Variants in TEX10 observed in about 807,000 individuals in gnomAD.
TEX10 encodes testis expressed 10, also known as testis-expressed protein 10.
In TEX10, 24 loss-of-function variants were observed where a neutral mutation model predicts 104.4. That is an observed-to-expected ratio of 0.23 (90% confidence interval 0.17 to 0.32). The LOEUF is 0.32. Ranked by LOEUF, TEX10 falls within the 10% of genes least tolerant of loss-of-function variation. TEX10 has a pLI of 1.00. For synonymous variants in TEX10, 396 were observed against 393.4 expected, an observed-to-expected ratio of 1.01 and a Z score of -0.08; for missense variants, 921 against 1,083.9, an observed-to-expected ratio of 0.85 and a Z score of 2.11.
chr9:100,338,277 G>A (rs188890689), intron 5 of TEX10, among the ~76,000 whole-genome samples: 22 of 152,296 alleles, frequency 1.4e-4, no homozygotes, highest in African/African-American at 5.3e-4. Flanking sequence ...GCAGACTCCA[G>A]TTTGTAGTTT....
intron 5 of TEX10, among the ~76,000 whole-genome samples, chr9:100,333,509 G>C (rs938991526): frequency 6.6e-6 from 1 of 151,482 alleles, no homozygotes; most frequent in Admixed American, 6.6e-5. Flanking sequence ...CCAAACATAA[G>C]ACTAAAGCAA....
rs780657842 is a variant in TEX10, at chr9:100,340,314, C to T, written c.1193G>A (p.Arg398His). 1.1e-5 allele frequency: 18 copies of T among 1,573,406 alleles called. No homozygotes were observed. The highest frequency in any genetic ancestry group is 1.1e-4 in the South Asian group (9 of 82,822). ...TATTTCTTTTAAGACATATGGAAAA[C>T]GACTCATAAAATGGTGTTTAAAATC... ...LIDFKHHFMS[R>H]FPYVLKEITK... The change falls in exon 5 of 15, where the codon CGT becomes CAT. Residue 398 changes from arginine (R) to histidine (H), a missense_variant. Coordinates refer to ENST00000374902, the MANE Select transcript of TEX10 (RefSeq NM_017746.4).
At chr9:100,327,259 T>C (rs909217915) in intron 8 of TEX10, among the ~76,000 whole-genome samples, 23 of 152,092 alleles carry the variant, frequency 1.5e-4, no homozygotes, top group African/African-American at 4.8e-4. Context: ...GTGGTGATAG[T>C]TGCACAACCT....
At chr9:100,305,903 A>G (rs1331501310) in intron 13 of TEX10, 1 of 152,208 alleles carries the variant, frequency 6.6e-6, no homozygotes, top group Non-Finnish European at 1.5e-5. Context: ...AACTCCCACA[A>G]AAGACACACT....
chr9:100,315,863 T>C (rs1436666160), intron 11 of TEX10, among the ~76,000 whole-genome samples: 2 of 152,216 alleles, frequency 1.3e-5, no homozygotes, highest in Non-Finnish European at 2.9e-5. Flanking sequence ...GACAGTCTGA[T>C]TATAATATGT....
chr9:100,319,783 G>C (rs988247992), intron 11 of TEX10, among the ~76,000 whole-genome samples: 4 of 152,000 alleles, frequency 2.6e-5, no homozygotes, highest in Non-Finnish European at 5.9e-5. Context: ...TCTAACCTGG[G>C]CAACAAGAGC....
chr9:100,352,895 G>A lies in TEX10; in HGVS notation c.-133C>T, dbSNP rs1437902811. On this transcript the variant is annotated 5_prime_UTR_variant, in exon 1 of 15. Coordinates refer to ENST00000374902, the MANE Select transcript of TEX10 (RefSeq NM_017746.4). ...AGCTCCCGGAGCGTGTTTTCAAATA[G>A]CCTCGTCCTCACGCGGCCGCGTCTC... The A allele has an allele frequency of 2.4e-5, 24 of 992,602 alleles. No individual in the cohort carries two copies. The highest frequency in any genetic ancestry group is 2.9e-5 in the Non-Finnish European group (24 of 835,426). The allele number at this position is 992,602 out of a possible 1,614,324, so 61.5% of individuals were successfully genotyped here. A position where few individuals can be genotyped will look rare whatever the true frequency, so the allele number is the denominator to read the frequency against.
rs368296947 is a variant in TEX10 at position 100,330,022 on chromosome 9, C to T, written c.1398G>A (p.Glu466=). Residue 466 remains glutamate (E), a synonymous_variant, in exon 6 of 15, where the codon GAG becomes GAA. Coordinates refer to ENST00000374902, the MANE Select transcript of TEX10 (RefSeq NM_017746.4). The part of the protein sequence containing the change: ...WIEMIRKFVT[E]TLEDGSRLNS... The stretch of plus-strand genomic sequence containing the variant: ...TTAGCCTAGAGCCATCTTCAAGGGT[C>T]TCTGTTACAAATTTCCTTATCATTT... 3.3e-5 allele frequency: 54 copies of T among 1,614,150 alleles called. No individual in the cohort carries two copies. The African/African-American group carries it at 5.7e-4, about 17-fold the overall frequency.
chr9:100,341,171 G>C (rs1439156679), intron 4 of TEX10, among the ~76,000 whole-genome samples: 1 of 152,140 alleles, frequency 6.6e-6, no homozygotes, highest in Non-Finnish European at 1.5e-5. Context: ...TCACCATGTT[G>C]ACCCGGCTGG....
intron 5 of TEX10, among the ~76,000 whole-genome samples, chr9:100,332,745 C>T (rs1023384934): frequency 2.0e-5 from 3 of 151,650 alleles, no homozygotes; most frequent in African/African-American, 7.3e-5. Flanking sequence ...AGCGTGAACC[C>T]GGGAGGTGGA....
At chr9:100,329,634 G>A (rs1180368973) in intron 6 of TEX10, among the ~76,000 whole-genome samples, 4 of 152,150 alleles carry the variant, frequency 2.6e-5, no homozygotes, top group Non-Finnish European at 5.9e-5. Context: ...AAGGTAAAGA[G>A]ACAGGGAAGA....
rs1412943756 is a variant in TEX10 at position 100,302,247 on chromosome 9, T to G, written c.2734A>C (p.Asn912His). 2 of 1,613,766 alleles carry G rather than the reference T, an allele frequency of 1.2e-6. No individual in the cohort carries two copies. Among genetic ancestry groups the G allele is most frequent in the African/African-American group, 2.7e-5 (2 of 74,920 alleles). The change falls in exon 15 of 15, where the codon AAC becomes CAC. Residue 912 changes from asparagine (N) to histidine (H), a missense_variant. Transcript: ENST00000374902. Reference sequence around the variant, plus strand: ...TGGGGATGCCCAGTGATATACACGTTGAAGCAGTAATGTAAGTCTGTGAGC... The same window carrying G: ...TGGGGATGCCCAGTGATATACACGTGGAAGCAGTAATGTAAGTCTGTGAGC... Reference protein sequence around the residue: ...QWLTDLHYCFNVYITGHPQGP... With the variant: ...QWLTDLHYCFHVYITGHPQGP...
intron 5 of TEX10, among the ~76,000 whole-genome samples, chr9:100,336,974 C>A (rs1321967050): frequency 6.6e-6 from 1 of 152,176 alleles, no homozygotes; most frequent in Admixed American, 6.5e-5. Flanking sequence ...TCAACCTCCT[C>A]ATAAAGTTAA....
chr9:100,327,735 A>T, intron 8 of TEX10, 52 bp downstream of exon 8: 1 of 1,406,624 alleles, frequency 7.1e-7, no homozygotes, highest in African/African-American at 1.4e-5. Context: ...CTTCTTTTGT[A>T]TATCAGGGTG....
Position 100,303,781 on chromosome 9 carries a change from T to G in TEX10, c.2527A>C (p.Met843Leu). The G allele has an allele frequency of 1.9e-6, 3 of 1,614,016 alleles. No individual in the cohort carries two copies. The highest frequency in any genetic ancestry group is 2.5e-6 in the Non-Finnish European group (3 of 1,180,008). ...CTGTTCACCCGCAGGCTCTGCAGCA[T>G]CAACCTGAGGACTCGAGGCAAGAGA... ...LALLPRVLRLMLQSLRVNRVG... is the reference protein window; with the variant it reads ...LALLPRVLRLLLQSLRVNRVG... Residue 843 changes from methionine (M) to leucine (L), a missense_variant, in exon 14 of 15, where the codon ATG becomes CTG. Transcript: ENST00000374902.
chr9:100,303,360 A>G (rs1399010429), intron 14 of TEX10, among the ~76,000 whole-genome samples: 3 of 152,096 alleles, frequency 2.0e-5, no homozygotes, highest in Non-Finnish European at 4.4e-5. Context: ...TACCTTTTCA[A>G]ACTAAACTAA....
rs1834850430 is a variant in TEX10 at position 100,331,073 on chromosome 9, T to C, written c.1251-904A>G. On this transcript the variant is annotated intron_variant, in intron 5 of 14. Coordinates refer to ENST00000374902, the MANE Select transcript of TEX10 (RefSeq NM_017746.4). Reference sequence around the variant, plus strand: ...GAGTTCAAGACCACCCTGACCAACATGGTTAAACTCTGTCTCTACTAAATA... The same window carrying C: ...GAGTTCAAGACCACCCTGACCAACACGGTTAAACTCTGTCTCTACTAAATA... 2.0e-5 allele frequency among the ~76,000 whole-genome samples: 3 copies of C among 146,394 alleles called. No individual in the cohort carries two copies. In the South Asian group the frequency reaches 6.5e-4, roughly 32 times the overall value.
At position 100,352,914 on chromosome 9, in the gene TEX10, G is replaced by C. The variant is rs1179326728; in HGVS notation, c.-152C>G. 5.0e-6 allele frequency: 5 copies of C among 990,108 alleles called. No homozygotes were observed. Among genetic ancestry groups the C allele is most frequent in the Non-Finnish European group, 6.0e-6 (5 of 833,504 alleles). The allele number at this position is 990,108 out of a possible 1,614,324, so 61.3% of individuals were successfully genotyped here. ...CAAATAGCCTCGTCCTCACGCGGCC[G>C]CGTCTCCTTCCGCCGCCCGGAAATC... On this transcript the variant is annotated 5_prime_UTR_variant, in exon 1 of 15. Transcript: ENST00000374902.
Position 100,308,483 on chromosome 9 carries a change from G to A in TEX10, c.2465+17C>T. On this transcript the variant is annotated intron_variant, in intron 13 of 14. Transcript: ENST00000374902. ...GAACAGTAGGAAAATTAAGGTTGAA[G>A]AATAAAAAATAATTACCTCTTTCTT... is the stretch of plus-strand genomic sequence containing the variant. The A allele has an allele frequency of 1.3e-6, 2 of 1,566,722 alleles. No homozygotes were observed. Among genetic ancestry groups the A allele is most frequent in the Non-Finnish European group, 1.7e-6 (2 of 1,162,136 alleles).
Sources: allele counts gnomAD v4.1 joint callset (sites outside exome capture counted in the v4.1 genomes callset), GRCh38; gene constraint gnomAD v4.1.1; transcripts MANE v1.5; gene names NCBI Gene and HGNC (gene_info 2026-07-23, HGNC 2026-07-21).